Variants in AMZ2 observed in about 807,000 individuals in gnomAD.
AMZ2 encodes archaelysin family metallopeptidase 2.
Under a neutral mutation model 36.7 loss-of-function variants are expected in AMZ2, and 26 were observed. The observed-to-expected ratio is 0.71, with a 90% CI of 0.52 to 0.98. AMZ2 has a LOEUF of 0.98. AMZ2 is among the 50% of genes least tolerant of loss of function. AMZ2 has a pLI of 0.00. For synonymous variants in AMZ2, 144 were observed against 149.1 expected (o/e 0.97, Z 0.25); for missense variants, 394 against 430.5 (o/e 0.92, Z 0.75).
intron 1 of AMZ2, among the ~76,000 whole-genome samples, chr17:68,209,189 T>C (rs1247538810): frequency 4.2e-5 from 6 of 141,672 alleles, no homozygotes; most frequent in Admixed American, 1.4e-4. Context: ...GCCAACTTAA[T>C]TTTAGTACTT....
intron 1 of AMZ2, among the ~76,000 whole-genome samples, chr17:68,212,525 G>T (rs2073093554): frequency 6.6e-6 from 1 of 152,148 alleles, no homozygotes; most frequent in African/African-American, 2.4e-5. Context: ...GACAGAAAGA[G>T]ACCTTGTCAC....
In AMZ2 at chr17:68,253,118, G is replaced by A. The variant is rs60380911; in HGVS notation, c.587-1286G>A. ...AAATAGTCTATTTGTAGGATTATTG[G>A]AAGAAGGAAATGTCCTTGCTGAAAG... On this transcript the variant is annotated intron_variant, in intron 4 of 6. Coordinates refer to ENST00000359904, the MANE Select transcript of AMZ2 (RefSeq NM_016627.5). 7.9e-3 allele frequency among the ~76,000 whole-genome samples: 1,206 copies of A among 152,306 alleles called. 15 individuals are homozygous for A. The highest frequency in any genetic ancestry group is 0.028 in the African/African-American group (1,155 of 41,562).
chr17:68,217,943 G>C (rs557387391), intron 1 of AMZ2, among the ~76,000 whole-genome samples: 1 of 151,664 alleles, frequency 6.6e-6, no homozygotes, highest in South Asian at 2.1e-4. Flanking sequence ...CTCCTGAGTA[G>C]CTGGGACTAC....
intron 1 of AMZ2, among the ~76,000 whole-genome samples, chr17:68,242,298 A>C (rs781994088): frequency 6.6e-6 from 1 of 152,144 alleles, no homozygotes; most frequent in Non-Finnish European, 1.5e-5. Flanking sequence ...TACATTACTG[A>C]CTTGTTAAAT....
At chr17:68,211,110 C>G (rs1307105138) in intron 1 of AMZ2, among the ~76,000 whole-genome samples, 1 of 151,592 alleles carries the variant, frequency 6.6e-6, no homozygotes, top group Non-Finnish European at 1.5e-5. Context: ...CCCAAATGGG[C>G]AAATTCACAG....
chr17:68,230,152 A>C (rs1433151570), intron 1 of AMZ2, among the ~76,000 whole-genome samples: 5 of 152,040 alleles, frequency 3.3e-5, no homozygotes, highest in African/African-American at 1.2e-4. Context: ...GGCTCACTGC[A>C]ACCTCCACCT....
chr17:68,233,527 A>G (rs1306601626), intron 1 of AMZ2, among the ~76,000 whole-genome samples: 42 of 107,144 alleles, frequency 3.9e-4, no homozygotes, highest in Middle Eastern at 4.5e-3. Context: ...AAAAAAAAAA[A>G]AGAGAGAAAT....
In AMZ2 at chr17:68,250,310, C is replaced by G; in HGVS notation, c.123C>G (p.Phe41Leu). Residue 41 changes from phenylalanine (F) to leucine (L), a missense_variant, in exon 2 of 7, where the codon TTC (phenylalanine) becomes TTG (leucine). Transcript: ENST00000359904. ...AACAACGTTTAATGAATGAAGCCTT[C>G]CAGCCAGCCAGTGATCTCTTTGGAC... ...AGEQRLMNEA[F>L]QPASDLFGPI... 2 of 1,613,970 alleles carry G rather than the reference C, an allele frequency of 1.2e-6. No individual in the cohort carries two copies. Among genetic ancestry groups the G allele is most frequent in the Non-Finnish European group, 1.7e-6 (2 of 1,179,852 alleles).
intron 1 of AMZ2, among the ~76,000 whole-genome samples, chr17:68,213,439 G>GA (rs1279458635): frequency 1.3e-5 from 2 of 152,194 alleles, no homozygotes; most frequent in African/African-American, 2.4e-5. Flanking sequence ...TAGGTCACAT[G>GA]AAAAAATCTG....
chr17:68,242,378 AG>A (rs1235941506), intron 1 of AMZ2, among the ~76,000 whole-genome samples: 5 of 143,152 alleles, frequency 3.5e-5, no homozygotes, highest in Admixed American at 7.6e-5. Flanking sequence ...ATAACTAAAG[AG>A]GGACAGAGAA....
intron 1 of AMZ2, among the ~76,000 whole-genome samples, chr17:68,221,465 C>T (rs1169418917): frequency 1.2e-4 from 18 of 152,098 alleles, no homozygotes; most frequent in African/African-American, 1.7e-4. Flanking sequence ...CACGGTGGCT[C>T]ACGCCTGTAA....
At chr17:68,227,110 T>C (rs192096137) in intron 1 of AMZ2, among the ~76,000 whole-genome samples, 2 of 151,984 alleles carry the variant, frequency 1.3e-5, no homozygotes, top group East Asian at 3.9e-4. Flanking sequence ...TTTTTAGGAA[T>C]CTATGTTCAT....
intron 1 of AMZ2, among the ~76,000 whole-genome samples, chr17:68,213,222 G>T (rs1373958336): frequency 6.6e-6 from 1 of 152,228 alleles, no homozygotes; most frequent in Non-Finnish European, 1.5e-5. Flanking sequence ...TAGATTTGCT[G>T]TGCACGCTGA....
chr17:68,238,379 A>C (rs2073834037), intron 1 of AMZ2, among the ~76,000 whole-genome samples: 1 of 151,894 alleles, frequency 6.6e-6, no homozygotes, highest in Non-Finnish European at 1.5e-5. Flanking sequence ...CCTCATTCGA[A>C]CTTTCTTAGC....
intron 4 of AMZ2, among the ~76,000 whole-genome samples, chr17:68,251,603 G>A (rs1460120261): frequency 3.3e-5 from 5 of 152,090 alleles, no homozygotes; most frequent in Non-Finnish European, 7.4e-5. Flanking sequence ...GGAGGTTGAG[G>A]CTGCAGTGAG....
intron 5 of AMZ2, among the ~76,000 whole-genome samples, chr17:68,255,003 C>T (rs2074788526): frequency 6.6e-6 from 1 of 152,194 alleles, no homozygotes; most frequent in South Asian, 2.1e-4. Flanking sequence ...CCTGATATCC[C>T]CAACTCGGTT....
chr17:68,256,365 C>T (rs1338406945), intron 6 of AMZ2, among the ~76,000 whole-genome samples: 6 of 152,212 alleles, frequency 3.9e-5, no homozygotes, highest in African/African-American at 1.4e-4. Context: ...ATTCATGTGT[C>T]TACTCATGGG....
chr17:68,234,665 A>C (rs1342792897), intron 1 of AMZ2, among the ~76,000 whole-genome samples: 3 of 151,384 alleles, frequency 2.0e-5, no homozygotes, highest in African/African-American at 7.3e-5. Flanking sequence ...AGCTACTCAG[A>C]GGGCTGAGGC....
intron 1 of AMZ2, among the ~76,000 whole-genome samples, chr17:68,220,755 A>T (rs1323445772): frequency 1.3e-5 from 2 of 150,902 alleles, no homozygotes; most frequent in Admixed American, 1.3e-4. Context: ...ACGTGCAATC[A>T]GGGACACTTT....
Sources: allele counts gnomAD v4.1 joint callset (sites outside exome capture counted in the v4.1 genomes callset), GRCh38; gene constraint gnomAD v4.1.1; transcripts MANE v1.5; gene names NCBI Gene and HGNC (gene_info 2026-07-23, HGNC 2026-07-21).